The following EXT2 variants were observed in gnomAD, a reference collection of about 807,000 sequenced individuals.
The protein encoded by EXT2 is exostosin-2.
Under a neutral mutation model 81.6 loss-of-function variants are expected in EXT2, and 53 were observed. The ratio of observed to expected loss-of-function variants is 0.65; its 90% CI spans 0.52 to 0.82. EXT2 has a LOEUF of 0.82. EXT2 is among the 40% of genes least tolerant of loss of function. The pLI is 0.00. For missense variants in EXT2, 774 were observed against 910.2 expected, an observed-to-expected ratio of 0.85 and a Z score of 1.93; for synonymous variants, 320 against 340.0, an observed-to-expected ratio of 0.94 and a Z score of 0.65.
intron 4 of EXT2, among the ~76,000 whole-genome samples, chr11:44,124,077 A>G (rs1954357718): frequency 6.6e-6 from 1 of 152,072 alleles, no homozygotes; most frequent in Non-Finnish European, 1.5e-5. Context: ...ACCCTTGGAG[A>G]TCTTTCTTCC....
At position 44,250,363 on chromosome 11, in the gene EXT2, TC is replaced by T. The variant is rs2135294505; in HGVS notation, c.*6078del. Among the ~76,000 whole-genome samples, 1 of 152,348 alleles carries T rather than the reference TC, an allele frequency of 6.6e-6. No homozygotes were observed. Among genetic ancestry groups the T allele is most frequent in the Admixed American group, 6.5e-5 (1 of 15,306 alleles). Reference sequence around the variant, plus strand: ...GACTTCCCTTGACCATGCCTTAGTTTCCTCAGCCAGAAATTGGAGACAGCAA... The same window carrying T: ...GACTTCCCTTGACCATGCCTTAGTTTCTCAGCCAGAAATTGGAGACAGCAA... On this transcript the variant is annotated 3_prime_UTR_variant, in exon 14 of 14. Coordinates refer to ENST00000533608, the MANE Select transcript of EXT2 (RefSeq NM_207122.2).
At chr11:44,203,091 C>T (rs1955540123) in intron 9 of EXT2, among the ~76,000 whole-genome samples, 1 of 152,178 alleles carries the variant, frequency 6.6e-6, no homozygotes, top group African/African-American at 2.4e-5. Context: ...AATCAGTTTC[C>T]CTGTAACTTC....
At chr11:44,214,162 G>C (rs1440183953) in intron 10 of EXT2, among the ~76,000 whole-genome samples, 1 of 151,856 alleles carries the variant, frequency 6.6e-6, no homozygotes, top group Non-Finnish European at 1.5e-5. Context: ...CGCCCAGGCT[G>C]TAGTGCAGTG....
At position 44,227,932 on chromosome 11, in the gene EXT2, C is replaced by T. The variant is rs1955856036; in HGVS notation, c.1663-4421C>T. 3.9e-5 allele frequency among the ~76,000 whole-genome samples: 6 copies of T among 152,194 alleles called. No individual in the cohort carries two copies. In the South Asian group the frequency reaches 1.2e-3, roughly 32 times the overall value. On this transcript the variant is annotated intron_variant, in intron 10 of 13. Coordinates refer to ENST00000533608, the MANE Select transcript of EXT2 (RefSeq NM_207122.2). ...TAAACATCTCAAGTCTGATGGAAGC[C>T]TATGAATGCTTACTATGCAACTTCA...
chr11:44,205,954 C>A (rs928830064), intron 9 of EXT2, among the ~76,000 whole-genome samples: 1 of 152,102 alleles, frequency 6.6e-6, no homozygotes, highest in Non-Finnish European at 1.5e-5. Context: ...CATTTTAAAA[C>A]AAAGAACCTG....
intron 5 of EXT2, among the ~76,000 whole-genome samples, chr11:44,126,189 AG>A (rs1954400865): frequency 6.6e-6 from 1 of 152,086 alleles, no homozygotes; most frequent in South Asian, 2.1e-4. Context: ...CCCCACATTG[AG>A]GGGGTTTGAG....
At chr11:44,225,214 C>T (rs944040126) in intron 10 of EXT2, among the ~76,000 whole-genome samples, 3 of 152,180 alleles carry the variant, frequency 2.0e-5, no homozygotes, top group African/African-American at 7.2e-5. Flanking sequence ...TTCATTGCCT[C>T]ATGAAAAATA....
chr11:44,096,100 C>T, intron 1 of EXT2: 1 of 743,214 alleles, frequency 1.3e-6, no homozygotes, highest in Admixed American at 2.0e-5. Context: ...GCGCTTTCAG[C>T]ATCTTGGTAC....
At chr11:44,197,777 G>A (rs1955472973) in intron 8 of EXT2, 52 bp from the exon 9 acceptor site, 1 of 1,593,248 alleles carries the variant, frequency 6.3e-7, no homozygotes, top group Non-Finnish European at 8.6e-7. Flanking sequence ...TATTGGGTCA[G>A]CCATATTGTT....
rs140364334 is a variant in EXT2, at chr11:44,166,449, C to G, written c.1174-5162C>G. Reference sequence around the variant, plus strand: ...AGCTGTGTACCCAGATGACCAACTTCTGGACAACTTGAGAAAGTCAGATAC... The same window carrying G: ...AGCTGTGTACCCAGATGACCAACTTGTGGACAACTTGAGAAAGTCAGATAC... On this transcript the variant is annotated intron_variant, in intron 7 of 13. Coordinates refer to ENST00000533608, the MANE Select transcript of EXT2 (RefSeq NM_207122.2). Among the ~76,000 whole-genome samples the G allele has an allele frequency of 5.1e-3, 784 of 152,330 alleles. 4 individuals carry two copies. The highest frequency in any genetic ancestry group is 7.9e-3 in the Non-Finnish European group (540 of 68,036).
intron 5 of EXT2, among the ~76,000 whole-genome samples, chr11:44,125,886 C>G (rs1387727280): frequency 6.6e-6 from 1 of 152,170 alleles, no homozygotes; most frequent in East Asian, 1.9e-4. Context: ...GTCAGGGGAG[C>G]TTTCCACCTG....
At chr11:44,184,518 G>A (rs780265721) in intron 8 of EXT2, among the ~76,000 whole-genome samples, 18 of 152,232 alleles carry the variant, frequency 1.2e-4, no homozygotes, top group South Asian at 2.1e-4. Context: ...TTGGGAGGCC[G>A]AGGGGGGTGG....
At chr11:44,219,845 G>GTACA (rs922517504) in intron 10 of EXT2, among the ~76,000 whole-genome samples, 2 of 152,204 alleles carry the variant, frequency 1.3e-5, no homozygotes, top group Non-Finnish European at 2.9e-5. Flanking sequence ...ATAAAACAAA[G>GTACA]TACATACCTG....
At chr11:44,116,605 A>C (rs1954224019) in intron 4 of EXT2, 1 of 152,214 alleles carries the variant, frequency 6.6e-6, no homozygotes, top group Non-Finnish European at 1.5e-5. Flanking sequence ...AAGCGGCTGC[A>C]CCATTTCACA....
At chr11:44,221,228 A>G (rs1250878870) in intron 10 of EXT2, among the ~76,000 whole-genome samples, 2 of 152,084 alleles carry the variant, frequency 1.3e-5, no homozygotes, top group East Asian at 3.9e-4. Flanking sequence ...AAGCAGCCCT[A>G]GTGAGGAAAG....
rs1956085982 is a variant in EXT2 at position 44,245,505 on chromosome 11, C to T, written c.*1218C>T. 1 of 179,040 alleles carries T rather than the reference C, an allele frequency of 5.6e-6. No homozygotes were observed. The allele number at this position is 179,040 out of a possible 1,614,324, so 11.1% of individuals were successfully genotyped here. A position where few individuals can be genotyped will look rare whatever the true frequency, so the allele number is the denominator to read the frequency against. On this transcript the variant is annotated 3_prime_UTR_variant, in exon 14 of 14. Transcript: ENST00000533608. Reference sequence around the variant, plus strand: ...TGGCGAATGTTAAATGTTATGGATTCGAAACAGATTTATCTGGCTCTGATA... The same window carrying T: ...TGGCGAATGTTAAATGTTATGGATTTGAAACAGATTTATCTGGCTCTGATA...
At chr11:44,205,030 T>A (rs1213176661) in intron 9 of EXT2, among the ~76,000 whole-genome samples, 1 of 152,176 alleles carries the variant, frequency 6.6e-6, no homozygotes, top group Non-Finnish European at 1.5e-5. Flanking sequence ...AAACATGGGA[T>A]TCTGAAGCTG....
At position 44,251,342 on chromosome 11, in the gene EXT2, G is replaced by T. The variant is rs574227822; in HGVS notation, c.*7055G>T. The stretch of plus-strand genomic sequence containing the variant: ...CAGTGGAGAGGATGACTTTGGATGA[G>T]GTTGGAATAGAAAGGAAACATTTGG... On this transcript the variant is annotated 3_prime_UTR_variant, in exon 14 of 14. Transcript: ENST00000533608. Among the ~76,000 whole-genome samples, 1 of 152,286 alleles carries T rather than the reference G, an allele frequency of 6.6e-6. No individual in the cohort carries two copies. The highest frequency in any genetic ancestry group is 2.4e-5 in the African/African-American group (1 of 41,566).
chr11:44,241,371 T>C (rs967544509), intron 13 of EXT2, among the ~76,000 whole-genome samples: 3 of 152,226 alleles, frequency 2.0e-5, no homozygotes, highest in African/African-American at 7.2e-5. Flanking sequence ...GGAAATTGAC[T>C]TTACCTTATC....
Sources: gnomAD v4.1 joint callset for allele counts (sites outside exome capture counted in the v4.1 genomes callset) on GRCh38, gnomAD v4.1.1 for gene constraint, MANE v1.5 for transcripts, NCBI Gene and HGNC (gene_info 2026-07-23, HGNC 2026-07-21) for gene names.